The following WHAMM variants were observed in gnomAD, a reference collection of about 807,000 sequenced individuals.
The protein encoded by WHAMM is WASP homolog-associated protein with actin, membranes and microtubules.
Under a neutral mutation model 76.5 loss-of-function variants are expected in WHAMM, and 67 were observed. That is an observed-to-expected ratio of 0.88 (90% CI 0.72 to 1.07). The LOEUF is 1.07. WHAMM is among the 50% of genes least tolerant of loss of function. The probability of loss-of-function intolerance (pLI) is 0.00; values close to 1 mark genes in which losing one functional copy is unlikely to be tolerated. For synonymous variants in WHAMM, 419 were observed against 422.1 expected, an observed-to-expected ratio of 0.99 and a Z score of 0.09; for missense variants, 1,021 against 1,051.1, an observed-to-expected ratio of 0.97 and a Z score of 0.40.
chr15:82,826,825 A>G lies in WHAMM; in HGVS notation c.1620A>G (p.Gln540=), dbSNP rs2050943606. Residue 540 remains glutamine, a synonymous_variant, in exon 8 of 10, where the codon CAA becomes CAG. Transcript: ENST00000286760. ...WINQERQKTL[Q]RLRSFKDKRL... ...ACCAAGAACGTCAAAAAACACTCCAACGATTGAGATCATTTAAAGATGTAA... is the reference window on the plus strand; with the variant it reads ...ACCAAGAACGTCAAAAAACACTCCAGCGATTGAGATCATTTAAAGATGTAA... 17 of 1,548,730 alleles carry G rather than the reference A, an allele frequency of 1.1e-5. No homozygotes were observed. Among genetic ancestry groups the G allele is most frequent in the Non-Finnish European group, 1.5e-5 (17 of 1,146,690 alleles).
Position 82,816,720 on chromosome 15 carries a change from C to G in WHAMM, c.812C>G (p.Pro271Arg). ...TCTTTGGATGAGGATGACCTAGGTC[C>G]TAGAAGGGTAGTTGCCCTGGAGAAA... ...LKSLDEDDLG[P>R]RRVVALEKEA... Residue 271 changes from proline (P) to arginine (R), a missense_variant, in exon 3 of 10, where the codon CCT becomes CGT. Pro to Arg is a moderately radical substitution (Grantham distance 103). This residue lies in a region of WHAMM where 501 missense variants were observed against 524.9 expected (regional missense o/e 0.95). Coordinates refer to ENST00000286760, the MANE Select transcript of WHAMM (RefSeq NM_001080435.3). The G allele has an allele frequency of 6.4e-7, 1 of 1,557,050 alleles. No individual in the cohort carries two copies.
intron 7 of WHAMM, 122 bp downstream of exon 7, chr15:82,826,618 TGCAGCCTGGGC>T: frequency 6.3e-7 from 1 of 1,581,618 alleles, no homozygotes; most frequent in Non-Finnish European, 8.6e-7. Context: ...CCTCCAGGTC[TGCAGCCTGGGC>T]GCAGCCTTGG....
intron 1 of WHAMM, chr15:82,810,802 A>G: frequency 1.0e-6 from 1 of 968,640 alleles, no homozygotes; most frequent in Non-Finnish European, 1.2e-6. Flanking sequence ...GTTTTGTTTT[A>G]AGTAATATAT....
intron 9 of WHAMM, among the ~76,000 whole-genome samples, chr15:82,832,649 C>T (rs1279584386): frequency 6.6e-6 from 1 of 152,112 alleles, no homozygotes; most frequent in African/African-American, 2.4e-5. Context: ...CCAGCACCAC[C>T]CCTCCGGTGG....
At chr15:82,826,241 A>G (rs1460795856) in intron 6 of WHAMM, 169 bp from the exon 7 acceptor site, 1 of 601,174 alleles carries the variant, frequency 1.7e-6, no homozygotes, top group African/African-American at 1.9e-5. Flanking sequence ...GCAGCCAGGC[A>G]ACCCTCATCA....
At chr15:82,823,440 TAAATATTTTTCTTAA>T (rs1269953447) in intron 6 of WHAMM, among the ~76,000 whole-genome samples, 153 bp downstream of exon 6, 2 of 152,266 alleles carry the variant, frequency 1.3e-5, no homozygotes, top group Non-Finnish European at 2.9e-5. Flanking sequence ...AAAATGCTTT[TAAATATTTTTCTTAA>T]AAATATTTTT....
rs374355621 is a variant in WHAMM, at chr15:82,826,390, G to A, written c.1459-20G>A. ...GGGTAATATTAAAAACCATGTAGGT[G>A]ATTTGTATTATTCCACCAGGATCAG... On this transcript the variant is annotated intron_variant, in intron 6 of 9. Transcript: ENST00000286760. 7 of 1,613,556 alleles carry A rather than the reference G, an allele frequency of 4.3e-6. No individual in the cohort carries two copies. The highest frequency in any genetic ancestry group is 1.7e-4 in the Middle Eastern group (1 of 6,060).
intron 1 of WHAMM, among the ~76,000 whole-genome samples, chr15:82,811,359 C>T (rs1002852997): frequency 6.6e-6 from 1 of 152,152 alleles, no homozygotes; most frequent in South Asian, 2.1e-4. Context: ...AGGGGAGTTT[C>T]AAAAATGATA....
intron 5 of WHAMM, among the ~76,000 whole-genome samples, chr15:82,821,059 A>G (rs1038408595): frequency 7.2e-5 from 11 of 152,218 alleles, no homozygotes; most frequent in Non-Finnish European, 1.2e-4. Context: ...TGAATATTGA[A>G]CAAAATTTTG....
At chr15:82,817,395 C>G (rs749602041) in intron 3 of WHAMM, among the ~76,000 whole-genome samples, 2 of 151,898 alleles carry the variant, frequency 1.3e-5, no homozygotes, top group Non-Finnish European at 2.9e-5. Context: ...GGGTGAAGGA[C>G]TTTTTTTTAG....
At position 82,835,068 on chromosome 15, in the gene WHAMM, G is replaced by A. The variant is rs17158255; in HGVS notation, c.*1532G>A. On this transcript the variant is annotated 3_prime_UTR_variant, in exon 10 of 10. Coordinates refer to ENST00000286760, the MANE Select transcript of WHAMM (RefSeq NM_001080435.3). ...TGGGTCTCCACAGAACAAAAGGAAC[G>A]CACCTCGTTTACAAAGAAAGTCCTG... The A allele has an allele frequency of 0.12, 18,019 of 151,890 alleles. 1,315 individuals carry two copies. The highest frequency in any genetic ancestry group is 0.33 in the South Asian group (1,568 of 4,808). The allele number at this position is 151,890 out of a possible 1,614,324, so 9.4% of individuals were successfully genotyped here. A position where few individuals can be genotyped will look rare whatever the true frequency, so the allele number is the denominator to read the frequency against.
intron 9 of WHAMM, among the ~76,000 whole-genome samples, chr15:82,832,427 A>T (rs1317477963): frequency 6.6e-6 from 1 of 152,214 alleles, no homozygotes; most frequent in East Asian, 1.9e-4. Flanking sequence ...ATTAGTGGCC[A>T]CAGTCAGGCC....
chr15:82,830,927 C>A lies in WHAMM; in HGVS notation c.1970C>A (p.Pro657His), dbSNP rs200933790. The A allele has an allele frequency of 1.2e-5, 20 of 1,609,352 alleles. No homozygotes were observed. The East Asian group carries it at 4.5e-4, about 36-fold the overall frequency. The change falls in exon 9 of 10, where the codon CCT (proline) becomes CAT (histidine). Residue 657 changes from proline (P) to histidine (H), a missense_variant. Transcript: ENST00000286760. ...CCGCCGCCACCGCCGCCCCCACCCC[C>A]TCCTCTCCGTGCTCTGTCCTCATCC... The part of the protein sequence containing the change: ...PPPPPPPPPP[P>H]PLRALSSSSQ...
In WHAMM at chr15:82,809,957, C is replaced by T; in HGVS notation, c.231C>T (p.Ser77=). 5.9e-6 allele frequency: 8 copies of T among 1,362,166 alleles called. No individual in the cohort carries two copies. The highest frequency in any genetic ancestry group is 7.6e-6 in the Non-Finnish European group (8 of 1,054,850). The allele number at this position is 1,362,166 out of a possible 1,614,324, so 84.4% of individuals were successfully genotyped here. ...CTGAGGCCGCCGTCTCCCCGTCCAG[C>T]TGGGCCGGCCTGCTCTCGGCCGCGG... ...PKPEAAVSPS[S]WAGLLSAAGL... is the part of the protein sequence containing the mutation. The change falls in exon 1 of 10, where the codon AGC becomes AGT. Residue 77 remains serine (S), a synonymous_variant. Coordinates refer to ENST00000286760, the MANE Select transcript of WHAMM (RefSeq NM_001080435.3).
At chr15:82,813,999 T>C (rs753554490) in intron 2 of WHAMM, among the ~76,000 whole-genome samples, 4 of 152,096 alleles carry the variant, frequency 2.6e-5, no homozygotes, top group Non-Finnish European at 5.9e-5. Flanking sequence ...TTGCTTCAGC[T>C]TGTTTTCCTC....
intron 9 of WHAMM, 28 bp downstream of exon 9, chr15:82,831,107 C>G: frequency 6.3e-7 from 1 of 1,591,252 alleles, no homozygotes; most frequent in South Asian, 1.1e-5. Context: ...TGTCCCTGCT[C>G]CCCATGAGTT....
chr15:82,832,543 T>TG (rs758347157), intron 9 of WHAMM, among the ~76,000 whole-genome samples: 1 of 152,176 alleles, frequency 6.6e-6, no homozygotes, highest in Non-Finnish European at 1.5e-5. Flanking sequence ...GATCTAATTG[T>TG]GTTTTGACAG....
At chr15:82,827,735 A>G (rs2050959444) in intron 8 of WHAMM, among the ~76,000 whole-genome samples, 1 of 152,202 alleles carries the variant, frequency 6.6e-6, no homozygotes, top group Admixed American at 6.5e-5. Flanking sequence ...CCTTGAGGTC[A>G]TGAGTTTGAG....
At chr15:82,818,398 C>G (rs576756079) in intron 4 of WHAMM, among the ~76,000 whole-genome samples, 1 of 152,200 alleles carries the variant, frequency 6.6e-6, no homozygotes, top group Non-Finnish European at 1.5e-5. Flanking sequence ...TTTTAGATAG[C>G]ACTTTTCTTT....
Sources: gnomAD v4.1 joint callset for allele counts (sites outside exome capture counted in the v4.1 genomes callset) on GRCh38, gnomAD v4.1.1 for gene constraint, gnomAD v4.1.1 regional missense constraint, MANE v1.5 for transcripts, NCBI Gene and HGNC (gene_info 2026-07-23, HGNC 2026-07-21) for gene names.